LHPP: variants seen among roughly 807,000 people sequenced by gnomAD.
LHPP encodes the protein phospholysine phosphohistidine inorganic pyrophosphate phosphatase, also known as hLHPP.
LHPP carries 24 observed loss-of-function variants against 30.3 expected under a neutral mutation model. That is an observed-to-expected ratio of 0.79 (90% CI 0.57 to 1.11). LHPP has a LOEUF of 1.11. Among genes scored for constraint, LHPP ranks in the 50% most tolerant of loss-of-function variants. The pLI is 0.00. For missense variants in LHPP, 356 were observed against 367.2 expected (o/e 0.97, Z 0.25); for synonymous variants, 150 against 157.1 (o/e 0.95, Z 0.34).
At chr10:124,572,285 G>A (rs1438427034) in intron 6 of LHPP, among the ~76,000 whole-genome samples, 9 of 152,156 alleles carry the variant, frequency 5.9e-5, no homozygotes, top group Admixed American at 5.2e-4. Context: ...AGTAACCGAC[G>A]GAGTGGTGGC....
chr10:124,469,388 T>C (rs899859641), intron 1 of LHPP, among the ~76,000 whole-genome samples: 5 of 152,046 alleles, frequency 3.3e-5, no homozygotes, highest in African/African-American at 9.7e-5. Context: ...ACGGGGGAAG[T>C]AGAAGCTCAA....
intron 6 of LHPP, among the ~76,000 whole-genome samples, chr10:124,601,081 T>C (rs568916761): frequency 6.6e-6 from 1 of 152,218 alleles, no homozygotes; most frequent in South Asian, 2.1e-4. Context: ...AGGTGACTTG[T>C]TCTTAGGGAA....
intron 6 of LHPP, among the ~76,000 whole-genome samples, chr10:124,610,324 G>GATGGAGCA (rs1564852671): frequency 0.01 from 1,437 of 137,948 alleles, 18 homozygotes; most frequent in African/African-American, 0.037. Context: ...GTGTGGGTGC[G>GATGGAGCA]GGTGAGGGTG....
chr10:124,548,663 T>C (rs12784173), intron 6 of LHPP, among the ~76,000 whole-genome samples: 21,177 of 152,210 alleles, frequency 0.14, 1,949 homozygotes, highest in Non-Finnish European at 0.2. Flanking sequence ...AGGGCCTGCT[T>C]TGACCACCTC....
At position 124,557,013 on chromosome 10, in the gene LHPP, C is replaced by T. The variant is rs892000041; in HGVS notation, c.716+39742C>T. On this transcript the variant is annotated intron_variant, in intron 6 of 6. Coordinates refer to ENST00000368842, the MANE Select transcript of LHPP (RefSeq NM_022126.4). ...AAGATGCTAGCAAATTAATTTCAGG[C>T]GCACGAGACAGGCGGTCGGTGCTCA... 3.1e-4 allele frequency among the ~76,000 whole-genome samples: 47 copies of T among 152,074 alleles called. 1 individual carries two copies. The highest frequency in any genetic ancestry group is 1.1e-3 in the African/African-American group (45 of 41,398).
intron 6 of LHPP, among the ~76,000 whole-genome samples, chr10:124,589,118 G>A (rs1054165801): frequency 2.0e-5 from 3 of 152,216 alleles, no homozygotes; most frequent in Admixed American, 6.5e-5. Context: ...CTTCTGCCGG[G>A]ACTCAAGCAG....
intron 6 of LHPP, chr10:124,605,433 G>A (rs1019369511): frequency 2.0e-5 from 3 of 152,392 alleles, no homozygotes; most frequent in African/African-American, 4.8e-5. Flanking sequence ...ATGGCATGGG[G>A]TGGTTGGAGG....
chr10:124,487,054 G>C (rs1953352270), intron 2 of LHPP, among the ~76,000 whole-genome samples: 1 of 152,190 alleles, frequency 6.6e-6, no homozygotes, highest in Non-Finnish European at 1.5e-5. Flanking sequence ...CCATATTATT[G>C]CATGTATCAG....
At chr10:124,516,021 T>C (rs959768649) in intron 5 of LHPP, among the ~76,000 whole-genome samples, 1 of 152,232 alleles carries the variant, frequency 6.6e-6, no homozygotes, top group Non-Finnish European at 1.5e-5. Flanking sequence ...CCCAGAATCC[T>C]AGCTTTGTCT....
intron 1 of LHPP, among the ~76,000 whole-genome samples, chr10:124,466,953 A>G (rs1426050982): frequency 6.7e-6 from 1 of 148,274 alleles, no homozygotes; most frequent in Non-Finnish European, 1.5e-5. Context: ...CGAGACCCCC[A>G]TCTCTACAAA....
chr10:124,571,971 A>G (rs954270756), intron 6 of LHPP, among the ~76,000 whole-genome samples: 2 of 152,110 alleles, frequency 1.3e-5, no homozygotes, highest in Non-Finnish European at 2.9e-5. Flanking sequence ...GGGAAGGGAG[A>G]TTAATGCGAG....
chr10:124,505,021 C>T (rs1229797700), intron 5 of LHPP, among the ~76,000 whole-genome samples: 1 of 152,142 alleles, frequency 6.6e-6, no homozygotes, highest in African/African-American at 2.4e-5. Context: ...CTTGTTTCCT[C>T]TGGTGGCTCC....
intron 6 of LHPP, among the ~76,000 whole-genome samples, chr10:124,526,606 C>T (rs1954744382): frequency 6.6e-6 from 1 of 152,170 alleles, no homozygotes; most frequent in Admixed American, 6.5e-5. Context: ...TCAGCTCCCG[C>T]CCTCCCCCGC....
At chr10:124,579,316 C>T (rs980595456) in intron 6 of LHPP, among the ~76,000 whole-genome samples, 1 of 152,234 alleles carries the variant, frequency 6.6e-6, no homozygotes, top group Non-Finnish European at 1.5e-5. Context: ...CACTGAGTGC[C>T]GTCCAGTTTC....
Position 124,478,324 on chromosome 10 carries a change from A to C in LHPP, c.126-5815A>C, listed in dbSNP as rs1022020248. Among the ~76,000 whole-genome samples the C allele has an allele frequency of 6.6e-6, 1 of 152,176 alleles. No homozygotes were observed. Among genetic ancestry groups the C allele is most frequent in the African/African-American group, 2.4e-5 (1 of 41,452 alleles). ...CATGAAAGCAAAGACTCAGGGTGCT[A>C]TGAGGGCCTCTGGGTCACACGAAGG... On this transcript the variant is annotated intron_variant, in intron 1 of 6. Coordinates refer to ENST00000368842, the MANE Select transcript of LHPP (RefSeq NM_022126.4). This position sits in a 1 kb window ranked among gnomAD's most constrained non-coding sequence, Gnocchi z 4.7.
intron 6 of LHPP, chr10:124,553,979 T>A (rs912846182): frequency 5.1e-6 from 5 of 985,434 alleles, no homozygotes; most frequent in Non-Finnish European, 6.0e-6. Flanking sequence ...CTCTGGGAAC[T>A]GGGCGCTCCT....
intron 6 of LHPP, among the ~76,000 whole-genome samples, chr10:124,608,485 T>G (rs1949124555): frequency 1.3e-5 from 2 of 152,220 alleles, no homozygotes; most frequent in Admixed American, 1.3e-4. Flanking sequence ...CCATGGTGCA[T>G]GCTATTATGA....
chr10:124,571,754 T>G (rs12269528), intron 6 of LHPP, among the ~76,000 whole-genome samples: 1 of 151,928 alleles, frequency 6.6e-6, no homozygotes, highest in Admixed American at 6.5e-5. Flanking sequence ...ACCACGCTGG[T>G]CCTCAGGAAG....
chr10:124,551,480 G>A (rs553990765), intron 6 of LHPP, among the ~76,000 whole-genome samples: 12 of 152,170 alleles, frequency 7.9e-5, no homozygotes, highest in Non-Finnish European at 1.5e-4. Flanking sequence ...GGCAGAGCCT[G>A]CCAGCCCCTC....
Sources: gnomAD v4.1 joint callset for allele counts (sites outside exome capture counted in the v4.1 genomes callset) on GRCh38, gnomAD v4.1.1 for gene constraint, Gnocchi (gnomAD v3.1) non-coding constraint, MANE v1.5 for transcripts, NCBI Gene and HGNC (gene_info 2026-07-23, HGNC 2026-07-21) for gene names.